APOBEC3D: variants seen among roughly 807,000 people sequenced by gnomAD.
APOBEC3D encodes apolipoprotein B mRNA editing enzyme catalytic subunit 3D.
In APOBEC3D, 37 loss-of-function variants were observed where a neutral mutation model predicts 45.6. That is an observed-to-expected ratio of 0.81 (90% CI 0.62 to 1.07). The LOEUF (loss-of-function observed/expected upper bound fraction) is 1.07, where lower values mean the gene tolerates loss of function less well. Ranked by LOEUF, APOBEC3D falls within the 50% of genes least tolerant of loss-of-function variation. The probability of loss-of-function intolerance (pLI) is 0.00; values close to 1 mark genes in which losing one functional copy is unlikely to be tolerated. For missense variants in APOBEC3D, 496 were observed against 495.3 expected (o/e 1.00, Z -0.01); for synonymous variants, 175 against 180.7 (o/e 0.97, Z 0.25).
intron 5 of APOBEC3D, among the ~76,000 whole-genome samples, chr22:39,031,105 G>T (rs1234805832): frequency 6.6e-6 from 1 of 152,106 alleles, no homozygotes; most frequent in Non-Finnish European, 1.5e-5. Context: ...GGCAGAAGTT[G>T]TGGTGAGCTG....
At chr22:39,029,309 T>G (rs1925974350) in intron 4 of APOBEC3D, 54 bp from the exon 5 acceptor site, 1 of 1,599,744 alleles carries the variant, frequency 6.3e-7, no homozygotes, top group African/African-American at 1.3e-5. Context: ...TTGTGTTCAG[T>G]GGGCATCAGC....
At chr22:39,030,891 T>TACGCAGTAGCTCACGCCTGC (rs1926144902) in intron 5 of APOBEC3D, among the ~76,000 whole-genome samples, 1 of 152,180 alleles carries the variant, frequency 6.6e-6, no homozygotes. Flanking sequence ...CTCACGCCTG[T>TACGCAGTAGCTCACGCCTGC]ACGCAGTAGC....
intron 4 of APOBEC3D, among the ~76,000 whole-genome samples, chr22:39,028,084 G>C (rs1405413667): frequency 2.6e-5 from 4 of 152,124 alleles, no homozygotes. Context: ...GAGGGTGTGG[G>C]GGAGGAAATG....
In APOBEC3D at chr22:39,031,832, G is replaced by A. The variant is rs1263218678; in HGVS notation, c.901G>A (p.Ala301Thr). The A allele has an allele frequency of 2.5e-6, 4 of 1,614,000 alleles. No individual in the cohort carries two copies. Among genetic ancestry groups the A allele is most frequent in the Non-Finnish European group, 3.4e-6 (4 of 1,180,026 alleles). ...SPCPECAGEV[A>T]EFLARHSNVN... ...TTGCCCAGAGTGTGCAGGGGAGGTGGCCGAGTTCCTGGCCAGGCACAGCAA... is the reference window on the plus strand; with the variant it reads ...TTGCCCAGAGTGTGCAGGGGAGGTGACCGAGTTCCTGGCCAGGCACAGCAA... The change falls in exon 6 of 7, where the codon GCC becomes ACC. Residue 301 changes from alanine (A) to threonine (T), a missense_variant. Transcript: ENST00000216099.
At chr22:39,022,082 T>G (rs1314816050) in intron 1 of APOBEC3D, among the ~76,000 whole-genome samples, 1 of 152,186 alleles carries the variant, frequency 6.6e-6, no homozygotes, top group Non-Finnish European at 1.5e-5. Flanking sequence ...TCACTCTTCA[T>G]CTTTTAGAAC....
Position 39,031,816 on chromosome 22 carries a change from G to A in APOBEC3D, c.885G>A (p.Glu295=), listed in dbSNP as rs373001302. ...ACACATCTTGGAGCCCTTGCCCAGA[G>A]TGTGCAGGGGAGGTGGCCGAGTTCC... ...TWYTSWSPCP[E]CAGEVAEFLA... is the part of the protein sequence containing the mutation. Residue 295 remains glutamate, a synonymous_variant, in exon 6 of 7, where the codon GAG becomes GAA. Coordinates refer to ENST00000216099, the MANE Select transcript of APOBEC3D (RefSeq NM_152426.4). 4 of 1,613,846 alleles carry A rather than the reference G, an allele frequency of 2.5e-6. No individual in the cohort carries two copies. The highest frequency in any genetic ancestry group is 1.7e-5 in the Admixed American group (1 of 60,016).
intron 2 of APOBEC3D, among the ~76,000 whole-genome samples, chr22:39,023,269 C>T (rs1925306328): frequency 6.6e-6 from 1 of 151,860 alleles, no homozygotes; most frequent in South Asian, 2.1e-4. Context: ...GCGCGTGCTA[C>T]CACGCCCGGC....
At chr22:39,027,434 C>T (rs191332607) in intron 4 of APOBEC3D, among the ~76,000 whole-genome samples, 1 of 152,264 alleles carries the variant, frequency 6.6e-6, no homozygotes, top group East Asian at 1.9e-4. Flanking sequence ...TTCCTGAGGG[C>T]AGGATCCAGG....
chr22:39,025,273 C>G lies in APOBEC3D; in HGVS notation c.414C>G (p.Tyr138Ter), dbSNP rs372074531. 4.3e-6 allele frequency: 7 copies of G among 1,614,010 alleles called. No homozygotes were observed. The highest frequency in any genetic ancestry group is 5.9e-6 in the Non-Finnish European group (7 of 1,180,020). Residue 138 changes from tyrosine to a stop codon, truncating the protein, a stop_gained, in exon 3 of 7, where the codon TAC (tyrosine) becomes TAG (stop). Coordinates refer to ENST00000216099, the MANE Select transcript of APOBEC3D (RefSeq NM_152426.4). LOFTEE classifies it high-confidence loss of function. ...LTISAARLYY[Y>*]RDRDWRWVLL... is the part of the protein sequence containing the mutation. The stretch of plus-strand genomic sequence containing the variant: ...TCTCTGCCGCCCGCCTCTACTACTA[C>G]CGGGATAGAGATTGGCGGTGGGTGC...
chr22:39,025,391 A>C (rs759622157), intron 3 of APOBEC3D, 42 bp downstream of exon 3: 18 of 1,612,238 alleles, frequency 1.1e-5, no homozygotes, highest in African/African-American at 2.7e-5. Context: ...GGGGAGGAAC[A>C]GCCTCAGAGA....
chr22:39,028,811 T>A (rs1925932279), intron 4 of APOBEC3D, among the ~76,000 whole-genome samples: 1 of 152,148 alleles, frequency 6.6e-6, no homozygotes, highest in Admixed American at 6.5e-5. Context: ...GGCATGCACC[T>A]GTAGTCCCAG....
chr22:39,032,587 ATC>A lies in APOBEC3D; in HGVS notation c.*273_*274del. On this transcript the variant is annotated 3_prime_UTR_variant, in exon 7 of 7. Transcript: ENST00000216099. Reference sequence around the variant, plus strand: ...CTTCCCATCTCCCCAGCATAACCAAATCTTTTTTTTTTTTTTTTTTTTTTGAG... The same window carrying A: ...CTTCCCATCTCCCCAGCATAACCAAATTTTTTTTTTTTTTTTTTTTTTGAG... 1.9e-6 allele frequency: 2 copies of A among 1,065,248 alleles called. No individual in the cohort carries two copies. The highest frequency in any genetic ancestry group is 2.2e-6 in the Non-Finnish European group (2 of 892,756). The allele number at this position is 1,065,248 out of a possible 1,614,324, so 66.0% of individuals were successfully genotyped here.
intron 4 of APOBEC3D, among the ~76,000 whole-genome samples, chr22:39,027,496 C>T (rs1925790250): frequency 6.6e-6 from 1 of 152,178 alleles, no homozygotes; most frequent in African/African-American, 2.4e-5. Flanking sequence ...TAAAGTGAGG[C>T]CTGCACTCAG....
intron 4 of APOBEC3D, among the ~76,000 whole-genome samples, chr22:39,028,384 A>G (rs573228221): frequency 6.6e-6 from 1 of 152,250 alleles, no homozygotes; most frequent in African/African-American, 2.4e-5. Context: ...CCACCGCCCC[A>G]GCTCTGTGGT....
chr22:39,031,811 C>T lies in APOBEC3D; in HGVS notation c.880C>T (p.Pro294Ser). ...CTGGTACACATCTTGGAGCCCTTGCCCAGAGTGTGCAGGGGAGGTGGCCGA... is the reference window on the plus strand; with the variant it reads ...CTGGTACACATCTTGGAGCCCTTGCTCAGAGTGTGCAGGGGAGGTGGCCGA... ...VTWYTSWSPCPECAGEVAEFL... is the reference protein window; with the variant it reads ...VTWYTSWSPCSECAGEVAEFL... Residue 294 changes from proline to serine, a missense_variant, in exon 6 of 7, where the codon CCA becomes TCA. Pro to Ser is a moderately conservative substitution (Grantham distance 74). Transcript: ENST00000216099. 6.2e-7 allele frequency: 1 copy of T among 1,614,098 alleles called. No homozygotes were observed. Among genetic ancestry groups the T allele is most frequent in the South Asian group, 1.1e-5 (1 of 91,078 alleles).
chr22:39,027,196 C>G (rs1232038986), intron 4 of APOBEC3D, among the ~76,000 whole-genome samples: 2 of 152,150 alleles, frequency 1.3e-5, no homozygotes, highest in Non-Finnish European at 1.5e-5. Flanking sequence ...GACATAGGGA[C>G]AAGAGCTCAG....
intron 4 of APOBEC3D, 61 bp downstream of exon 4, chr22:39,025,732 G>T (rs1423303403): frequency 6.2e-7 from 1 of 1,609,074 alleles, no homozygotes; most frequent in African/African-American, 1.3e-5. Flanking sequence ...ATCCTCCTGA[G>T]GACTCCCCTG....
At chr22:39,023,550 G>A (rs1409755130) in intron 2 of APOBEC3D, among the ~76,000 whole-genome samples, 1 of 150,988 alleles carries the variant, frequency 6.6e-6, no homozygotes, top group Non-Finnish European at 1.5e-5. Flanking sequence ...GGGTTCAAGC[G>A]ATTATCCTGC....
At chr22:39,030,847 A>G (rs1926138154) in intron 5 of APOBEC3D, among the ~76,000 whole-genome samples, 1 of 152,232 alleles carries the variant, frequency 6.6e-6, no homozygotes, top group Admixed American at 6.5e-5. Flanking sequence ...AAAAGACTCA[A>G]TAAAATAAAG....
Sources: gnomAD v4.1 joint callset for allele counts (sites outside exome capture counted in the v4.1 genomes callset) on GRCh38, gnomAD v4.1.1 for gene constraint, MANE v1.5 for transcripts, NCBI Gene and HGNC (gene_info 2026-07-23, HGNC 2026-07-21) for gene names.